Variants in FAM222B observed in about 807,000 individuals in gnomAD.
The protein encoded by FAM222B is family with sequence similarity 222 member B.
A neutral mutation model predicts 38.0 loss-of-function variants in FAM222B; 12 were observed. The ratio of observed to expected loss-of-function variants is 0.32; its 90% CI spans 0.20 to 0.51. The LOEUF (loss-of-function observed/expected upper bound fraction) is 0.51, where lower values mean the gene tolerates loss of function less well. Ranked by LOEUF, FAM222B falls within the 20% of genes least tolerant of loss-of-function variation. The pLI is 0.97. For synonymous variants in FAM222B, 329 were observed against 317.2 expected, an observed-to-expected ratio of 1.04 and a Z score of -0.40; for missense variants, 716 against 754.2, an observed-to-expected ratio of 0.95 and a Z score of 0.59.
At chr17:28,787,499 C>T (rs2036468325) in intron 1 of FAM222B, among the ~76,000 whole-genome samples, 1 of 152,124 alleles carries the variant, frequency 6.6e-6, no homozygotes, top group Non-Finnish European at 1.5e-5. Flanking sequence ...ATGGTTCACG[C>T]TCCACATGTC....
chr17:28,808,667 T>C (rs1379240034), intron 1 of FAM222B, among the ~76,000 whole-genome samples: 1 of 152,152 alleles, frequency 6.6e-6, no homozygotes, highest in Non-Finnish European at 1.5e-5. Context: ...AGTCAAACCC[T>C]GGGGGAGGGG....
At position 28,758,985 on chromosome 17, in the gene FAM222B, T is replaced by A. The variant is rs1429836886; in HGVS notation, c.974A>T (p.Asn325Ile). 1.2e-5 allele frequency: 19 copies of A among 1,612,362 alleles called. No individual in the cohort carries two copies. Among genetic ancestry groups the A allele is most frequent in the East Asian group, 2.2e-5 (1 of 44,840 alleles). The change falls in exon 3 of 3, where the codon AAT becomes ATT. Residue 325 changes from asparagine to isoleucine, a missense_variant. Physicochemically the swap from Asn to Ile is moderately radical, Grantham distance 149 (BLOSUM62 -3). Transcript: ENST00000581407. ...GGCCGCGTGGGTGTGCTCCATGGGA[T>A]TGACCACACATGAAGGCATTGGTGT... The part of the protein sequence containing the change: ...VPTPMPSCVV[N>I]PMEHTHAATA...
intron 1 of FAM222B, among the ~76,000 whole-genome samples, chr17:28,774,340 T>C (rs1250842958): frequency 1.3e-5 from 2 of 152,182 alleles, no homozygotes; most frequent in African/African-American, 4.8e-5. Flanking sequence ...GCAGGCCAAA[T>C]GAGTTACAGA....
intron 1 of FAM222B, among the ~76,000 whole-genome samples, chr17:28,783,365 A>AT (rs2036244017): frequency 6.6e-6 from 1 of 152,130 alleles, no homozygotes; most frequent in Non-Finnish European, 1.5e-5. Flanking sequence ...GAAACCTGAG[A>AT]TTAACAAAAA....
chr17:28,854,805 T>A (rs2039214988), intron 1 of FAM222B: 1 of 462,702 alleles, frequency 2.2e-6, no homozygotes, highest in Non-Finnish European at 3.8e-6. Flanking sequence ...AAATACGTTG[T>A]GTATGGGAGT....
At chr17:28,851,890 C>T (rs925399309) in intron 1 of FAM222B, among the ~76,000 whole-genome samples, 1 of 144,908 alleles carries the variant, frequency 6.9e-6, no homozygotes, top group Admixed American at 6.9e-5. Flanking sequence ...AAAAAAAAAA[C>T]CAAAAACAGA....
intron 1 of FAM222B, among the ~76,000 whole-genome samples, chr17:28,794,272 G>T (rs1165393822): frequency 6.6e-6 from 1 of 151,144 alleles, no homozygotes; most frequent in Non-Finnish European, 1.5e-5. Flanking sequence ...AGGCTGGAGT[G>T]CAGTGGTGCG....
intron 1 of FAM222B, among the ~76,000 whole-genome samples, chr17:28,822,864 T>TATAC (rs890920362): frequency 1.5e-3 from 117 of 79,962 alleles, no homozygotes; most frequent in Middle Eastern, 7.4e-3. Context: ...TATATATATA[T>TATAC]ACACACATAT....
At chr17:28,809,773 A>G (rs1439553632) in intron 1 of FAM222B, among the ~76,000 whole-genome samples, 1 of 152,158 alleles carries the variant, frequency 6.6e-6, no homozygotes, top group Non-Finnish European at 1.5e-5. Context: ...CAGGAGTTTG[A>G]GACCAACCTG....
intron 1 of FAM222B, among the ~76,000 whole-genome samples, chr17:28,810,473 CTAGCTAACTT>C (rs2037706889): frequency 6.6e-6 from 1 of 151,096 alleles, no homozygotes; most frequent in Non-Finnish European, 1.5e-5. Context: ...GTTTTATATA[CTAGCTAACTT>C]TGTTTTATAT....
intron 1 of FAM222B, among the ~76,000 whole-genome samples, chr17:28,825,676 T>C (rs1476171937): frequency 1.3e-5 from 2 of 152,218 alleles, no homozygotes; most frequent in Non-Finnish European, 2.9e-5. Flanking sequence ...TTAAATGCCA[T>C]ATCCTTAGAG....
At chr17:28,847,248 C>A (rs1251488631), upstream of FAM222B, among the ~76,000 whole-genome samples, 1 of 151,102 alleles carries the variant, frequency 6.6e-6, no homozygotes, top group Non-Finnish European at 1.5e-5. Context: ...AAGAAAAAAT[C>A]TAAAACTTCC....
chr17:28,806,182 T>C (rs2037490319), intron 1 of FAM222B, among the ~76,000 whole-genome samples: 1 of 152,048 alleles, frequency 6.6e-6, no homozygotes, highest in Admixed American at 6.6e-5. Flanking sequence ...TGAGAATATC[T>C]TTGGATTGAT....
chr17:28,852,981 G>A (rs1416798616), intron 1 of FAM222B, among the ~76,000 whole-genome samples: 9 of 152,042 alleles, frequency 5.9e-5, no homozygotes, highest in Non-Finnish European at 1.3e-4. Flanking sequence ...ATCACCTGAG[G>A]TCGGGAGTTC....
chr17:28,775,317 A>G (rs1038002701), intron 1 of FAM222B, among the ~76,000 whole-genome samples: 12 of 152,000 alleles, frequency 7.9e-5, no homozygotes, highest in African/African-American at 2.9e-4. Context: ...GGAGAAGATA[A>G]AGTACTGGCA....
At chr17:28,827,308 T>C (rs2038479571) in intron 1 of FAM222B, among the ~76,000 whole-genome samples, 1 of 151,872 alleles carries the variant, frequency 6.6e-6, no homozygotes, top group Non-Finnish European at 1.5e-5. Flanking sequence ...CAGTGAGCTA[T>C]GACAGTGCCA....
intron 1 of FAM222B, among the ~76,000 whole-genome samples, chr17:28,828,740 G>A (rs1205268701): frequency 6.6e-6 from 1 of 152,038 alleles, no homozygotes; most frequent in African/African-American, 2.4e-5. Context: ...AGTCTTTAAA[G>A]TCTCTCTTCT....
chr17:28,840,098 G>A (rs1218022547), intron 1 of FAM222B, among the ~76,000 whole-genome samples: 1 of 152,040 alleles, frequency 6.6e-6, no homozygotes, highest in Admixed American at 6.6e-5. Context: ...TTTTCTCACT[G>A]CGCTTGGTGG....
chr17:28,757,376 A>T lies in FAM222B; in HGVS notation c.*894T>A, dbSNP rs1454559071. The stretch of plus-strand genomic sequence containing the variant: ...AGCCAGTGTAGAGAGAACCAAATGC[A>T]TTTTTTTTTTTTTGGTGTTTTTAAT... On this transcript the variant is annotated 3_prime_UTR_variant, in exon 3 of 3. Coordinates refer to ENST00000581407, the MANE Select transcript of FAM222B (RefSeq NM_001077498.3). The T allele has an allele frequency of 1.4e-5, 2 of 144,980 alleles. No individual in the cohort carries two copies. The highest frequency in any genetic ancestry group is 4.0e-4 in the East Asian group (2 of 5,004). 9.0% of individuals were successfully genotyped at this position (144,980 alleles called of 1,614,324 possible).
Sources: gnomAD v4.1 joint callset for allele counts (sites outside exome capture counted in the v4.1 genomes callset) on GRCh38, gnomAD v4.1.1 for gene constraint, MANE v1.5 for transcripts, NCBI Gene and HGNC (gene_info 2026-07-23, HGNC 2026-07-21) for gene names.